The following AFF3 variants were observed in gnomAD, a reference collection of about 807,000 sequenced individuals.
AFF3 encodes ALF transcription elongation factor 3, also known as AF4/FMR2 family member 3.
Under a neutral mutation model 129.7 loss-of-function variants are expected in AFF3, and 32 were observed. The ratio of observed to expected loss-of-function variants is 0.25; its 90% confidence interval spans 0.19 to 0.33. The LOEUF is 0.33. Ranked by LOEUF, AFF3 falls within the 10% of genes least tolerant of loss-of-function variation. AFF3 has a pLI of 1.00. For synonymous variants in AFF3, 644 were observed against 635.4 expected, an observed-to-expected ratio of 1.01 and a Z score of -0.20; for missense variants, 1,373 against 1,592.0, an observed-to-expected ratio of 0.86 and a Z score of 2.34.
intron 15 of AFF3, 93 bp downstream of exon 15, chr2:99,593,102 A>T: frequency 7.0e-7 from 1 of 1,435,144 alleles, no homozygotes; most frequent in Non-Finnish European, 9.3e-7. Context: ...CGTCCCAAAC[A>T]GCAGCCTATG....
At chr2:99,822,037 A>T (rs1687728575) in intron 8 of AFF3, among the ~76,000 whole-genome samples, 1 of 152,172 alleles carries the variant, frequency 6.6e-6, no homozygotes, top group Admixed American at 6.5e-5. Context: ...TTGATATTTT[A>T]AAAAAATTAC....
intron 2 of AFF3, chr2:100,107,317 C>T (rs1691346098): frequency 2.0e-6 from 2 of 985,236 alleles, no homozygotes; most frequent in Non-Finnish European, 2.4e-6. Context: ...TGAAGATGTT[C>T]CTATTATCCT....
chr2:99,883,370 C>T (rs548422088), intron 7 of AFF3, among the ~76,000 whole-genome samples: 24 of 152,130 alleles, frequency 1.6e-4, no homozygotes, highest in Non-Finnish European at 3.1e-4. Flanking sequence ...TTTAACCAGA[C>T]CTAAAATTCT....
At chr2:99,606,411 A>G (rs1680337837) in intron 13 of AFF3, among the ~76,000 whole-genome samples, 5 of 152,234 alleles carry the variant, frequency 3.3e-5, no homozygotes. Flanking sequence ...ATTTGACAGC[A>G]GCCAGAAAAC....
intron 24 of AFF3, among the ~76,000 whole-genome samples, 184 bp from the exon 25 acceptor site, chr2:99,551,779 C>A (rs1053123882): frequency 3.3e-5 from 5 of 152,186 alleles, no homozygotes; most frequent in African/African-American, 1.2e-4. Flanking sequence ...CATCCTATAT[C>A]CAAATAAATA....
At chr2:99,939,539 C>T (rs1365335459) in intron 7 of AFF3, among the ~76,000 whole-genome samples, 1 of 152,188 alleles carries the variant, frequency 6.6e-6, no homozygotes, top group African/African-American at 2.4e-5. Context: ...TAGATTGACA[C>T]TGTATTTAAG....
At chr2:99,998,850 A>T (rs1307112820) in intron 7 of AFF3, among the ~76,000 whole-genome samples, 1 of 152,212 alleles carries the variant, frequency 6.6e-6, no homozygotes, top group Non-Finnish European at 1.5e-5. Context: ...TCTGGGAAAC[A>T]GCACCCCATG....
intron 4 of AFF3, among the ~76,000 whole-genome samples, chr2:100,077,023 T>C (rs1573355647): frequency 2.0e-5 from 3 of 152,044 alleles, no homozygotes; most frequent in African/African-American, 7.2e-5. Context: ...TCAAGGCAGG[T>C]GGATCACTTG....
intron 7 of AFF3, among the ~76,000 whole-genome samples, chr2:99,880,632 A>C (rs1007542184): frequency 6.6e-6 from 1 of 152,108 alleles, no homozygotes; most frequent in Non-Finnish European, 1.5e-5. Flanking sequence ...CAATTTCCAA[A>C]AGGTGCTACC....
chr2:100,089,047 A>G lies in AFF3; in HGVS notation c.53+15355T>C, dbSNP rs549728114. ...TACACTTATTTTTCTGCAGGCCTGA[A>G]TACAGACCCTGCCTGCTCTAAAAGT... is the stretch of plus-strand genomic sequence containing the variant. On this transcript the variant is annotated intron_variant, in intron 4 of 24. Transcript: ENST00000672756. Among the ~76,000 whole-genome samples, 3 of 152,288 alleles carry G rather than the reference A, an allele frequency of 2.0e-5. No homozygotes were observed. In the South Asian group the frequency reaches 6.2e-4, roughly 32 times the overall value.
chr2:99,735,936 T>C (rs998362637), intron 10 of AFF3, among the ~76,000 whole-genome samples: 2 of 152,238 alleles, frequency 1.3e-5, no homozygotes, highest in African/African-American at 4.8e-5. Context: ...TCTAAACATG[T>C]GTTTTCCCTC....
At chr2:100,081,452 T>G (rs948876955) in intron 4 of AFF3, among the ~76,000 whole-genome samples, 1 of 151,920 alleles carries the variant, frequency 6.6e-6, no homozygotes, top group East Asian at 2.0e-4. Flanking sequence ...ACCATGTCAG[T>G]GACCACCTGC....
Position 99,907,638 on chromosome 2 carries a change from G to C in AFF3, c.874-70114C>G, listed in dbSNP as rs995849301. 2.7e-5 allele frequency among the ~76,000 whole-genome samples: 4 copies of C among 147,856 alleles called. 1 individual carries two copies. In the South Asian group the frequency reaches 8.7e-4, roughly 32 times the overall value. The stretch of plus-strand genomic sequence containing the variant: ...GAGGAATTCTGGTTTTTTTCTTCTT[G>C]TTGTTGTTTTGTTTTTTTTAGATAG... On this transcript the variant is annotated intron_variant, in intron 7 of 24. Transcript: ENST00000672756.
chr2:99,985,354 T>C (rs1469620230), intron 7 of AFF3, among the ~76,000 whole-genome samples: 1 of 152,228 alleles, frequency 6.6e-6, no homozygotes, highest in Non-Finnish European at 1.5e-5. Flanking sequence ...CTCCTTTGAA[T>C]AATGAAAATG....
At chr2:99,655,962 A>AC (rs1182045795) in intron 12 of AFF3, among the ~76,000 whole-genome samples, 3 of 152,140 alleles carry the variant, frequency 2.0e-5, no homozygotes, top group Admixed American at 6.5e-5. Flanking sequence ...CAGGCCAGGG[A>AC]GAGGCATCAG....
intron 10 of AFF3, among the ~76,000 whole-genome samples, chr2:99,737,197 A>G (rs749777095): frequency 6.6e-6 from 1 of 152,088 alleles, no homozygotes; most frequent in Admixed American, 6.6e-5. Flanking sequence ...CCACATTCTC[A>G]TCTTATTTTA....
At chr2:100,102,843 T>TAA (rs1262811557) in intron 4 of AFF3, among the ~76,000 whole-genome samples, 1 of 125,594 alleles carries the variant, frequency 8.0e-6, no homozygotes, top group Admixed American at 8.8e-5. Flanking sequence ...CCAACATTTC[T>TAA]AAATGTAAAC....
chr2:99,623,524 GC>G (rs1463174398), intron 13 of AFF3, among the ~76,000 whole-genome samples: 1 of 152,222 alleles, frequency 6.6e-6, no homozygotes, highest in Non-Finnish European at 1.5e-5. Context: ...GGCGTGTGAT[GC>G]CCTGGCTGGG....
rs1675360926 is a variant in AFF3 at position 99,560,378 on chromosome 2, G to A, written c.3178C>T (p.Leu1060=). 6.2e-7 allele frequency: 1 copy of A among 1,614,184 alleles called. No individual in the cohort carries two copies. Among genetic ancestry groups the A allele is most frequent in the Non-Finnish European group, 8.5e-7 (1 of 1,179,992 alleles). The change falls in exon 21 of 25, where the codon CTG becomes TTG. Residue 1060 remains leucine (L), a synonymous_variant. Coordinates refer to ENST00000672756, the MANE Select transcript of AFF3 (RefSeq NM_001386135.1). The part of the protein sequence containing the change: ...GPNATPEDKQ[L]AALCYRCLAL... ...ATGGGCACTCACCATAATGCAGCCA[G>A]TTGTTTGTCTTCTGGTGTGGCATTG...
Sources: allele counts gnomAD v4.1 joint callset (sites outside exome capture counted in the v4.1 genomes callset), GRCh38; gene constraint gnomAD v4.1.1; transcripts MANE v1.5; gene names NCBI Gene and HGNC (gene_info 2026-07-23, HGNC 2026-07-21).